The following SLIT2 variants were observed in gnomAD, a reference collection of about 807,000 sequenced individuals.
SLIT2 encodes slit homolog 2 protein.
A neutral mutation model predicts 185.7 loss-of-function variants in SLIT2; 41 were observed. The ratio of observed to expected loss-of-function variants is 0.22; its 90% confidence interval spans 0.17 to 0.29. The LOEUF is 0.29. Ranked by LOEUF, SLIT2 falls within the 10% of genes least tolerant of loss-of-function variation. SLIT2 has a pLI of 1.00. For synonymous variants in SLIT2, 693 were observed against 680.2 expected (o/e 1.02, Z -0.29); for missense variants, 1,571 against 1,909.0 (o/e 0.82, Z 3.30).
intron 4 of SLIT2, among the ~76,000 whole-genome samples, chr4:20,283,854 A>G (rs1715021425): frequency 6.6e-6 from 1 of 152,184 alleles, no homozygotes; most frequent in Non-Finnish European, 1.5e-5. Context: ...ATTCTTAATC[A>G]GTTTTGGCTC....
In SLIT2 at chr4:20,424,007, T is replaced by A. The variant is rs572367839; in HGVS notation, c.396-43745T>A. On this transcript the variant is annotated intron_variant, in intron 4 of 36. Coordinates refer to ENST00000504154, the MANE Select transcript of SLIT2 (RefSeq NM_004787.4). Reference sequence around the variant, plus strand: ...GTTTACTTTTAAAGATTGATTCTTCTAGAAAAGGGAATATTTTAGATTGCT... The same window carrying A: ...GTTTACTTTTAAAGATTGATTCTTCAAGAAAAGGGAATATTTTAGATTGCT... Among the ~76,000 whole-genome samples the A allele has an allele frequency of 5.2e-4, 79 of 152,226 alleles. No homozygotes were observed. In the South Asian group the frequency reaches 0.014, roughly 28 times the overall value.
At chr4:20,447,803 A>T (rs1577676411) in intron 4 of SLIT2, among the ~76,000 whole-genome samples, 1 of 152,254 alleles carries the variant, frequency 6.6e-6, no homozygotes, top group Admixed American at 6.5e-5. Context: ...TGCCCACATG[A>T]AAACAGTCAG....
At chr4:20,527,835 C>A (rs1577860685) in intron 15 of SLIT2, among the ~76,000 whole-genome samples, 1 of 152,070 alleles carries the variant, frequency 6.6e-6, no homozygotes, top group African/African-American at 2.4e-5. Context: ...TCTTGGTGAT[C>A]TTTACTTTTG....
At chr4:20,380,920 C>A (rs1724454610) in intron 4 of SLIT2, among the ~76,000 whole-genome samples, 1 of 151,928 alleles carries the variant, frequency 6.6e-6, no homozygotes, top group Non-Finnish European at 1.5e-5. Context: ...GAACAAGAAA[C>A]AGAAGAAACA....
chr4:20,606,288 C>T (rs956060852), intron 33 of SLIT2, among the ~76,000 whole-genome samples: 3 of 152,030 alleles, frequency 2.0e-5, no homozygotes, highest in African/African-American at 7.2e-5. Context: ...TGAGACCAGC[C>T]TGGGAAACAT....
chr4:20,425,766 C>T (rs1023275421), intron 4 of SLIT2, among the ~76,000 whole-genome samples: 1 of 152,126 alleles, frequency 6.6e-6, no homozygotes, highest in African/African-American at 2.4e-5. Flanking sequence ...TTTATATGAA[C>T]ACTTTACATG....
At chr4:20,453,173 C>A (rs1161533496) in intron 4 of SLIT2, among the ~76,000 whole-genome samples, 1 of 152,032 alleles carries the variant, frequency 6.6e-6, no homozygotes, top group African/African-American at 2.4e-5. Flanking sequence ...GGGTTTTGAA[C>A]CTATTATCCT....
intron 4 of SLIT2, among the ~76,000 whole-genome samples, chr4:20,324,714 A>C (rs1719410820): frequency 1.3e-5 from 2 of 152,160 alleles, no homozygotes; most frequent in African/African-American, 2.4e-5. Flanking sequence ...TAATATATAT[A>C]CTTCAAAACA....
At position 20,610,114 on chromosome 4, in the gene SLIT2, C is replaced by G; in HGVS notation, c.3794C>G (p.Thr1265Ser). 14 of 1,613,834 alleles carry G rather than the reference C, an allele frequency of 8.7e-6. No individual in the cohort carries two copies. Among genetic ancestry groups the G allele is most frequent in the Non-Finnish European group, 1.2e-5 (14 of 1,179,784 alleles). The change falls in exon 34 of 37, where the codon ACT becomes AGT. Residue 1265 changes from threonine (T) to serine (S), a missense_variant. Coordinates refer to ENST00000504154, the MANE Select transcript of SLIT2 (RefSeq NM_004787.4). Reference protein sequence around the residue: ...SVDGGNPKIITNLSKQSTLNF... With the variant: ...SVDGGNPKIISNLSKQSTLNF... Reference sequence around the variant, plus strand: ...GATGGTGGGAACCCCAAAATCATCACTAACTTGTCAAAGCAGTCCACTCTG... The same window carrying G: ...GATGGTGGGAACCCCAAAATCATCAGTAACTTGTCAAAGCAGTCCACTCTG...
At chr4:20,586,422 G>T (rs1727071474) in intron 29 of SLIT2, among the ~76,000 whole-genome samples, 2 of 152,104 alleles carry the variant, frequency 1.3e-5, no homozygotes, top group African/African-American at 4.8e-5. Context: ...TATTATTTGA[G>T]TATGTCAGCA....
At chr4:20,579,089 T>A (rs1036741639) in intron 29 of SLIT2, among the ~76,000 whole-genome samples, 2 of 151,800 alleles carry the variant, frequency 1.3e-5, no homozygotes, top group Admixed American at 6.6e-5. Flanking sequence ...AGGTCAGGAG[T>A]TTGAGACCAG....
At chr4:20,490,589 C>G (rs1043787829) in intron 8 of SLIT2, among the ~76,000 whole-genome samples, 20 of 152,136 alleles carry the variant, frequency 1.3e-4, no homozygotes, top group Non-Finnish European at 1.6e-4. Context: ...GGTAGGGAGA[C>G]ATGACTAGTA....
intron 5 of SLIT2, among the ~76,000 whole-genome samples, chr4:20,473,931 GTTCATTGGATTTTAT>G (rs1255223385): frequency 6.6e-6 from 1 of 151,956 alleles, no homozygotes; most frequent in Admixed American, 6.6e-5. Flanking sequence ...TTTCTGTTTA[GTTCATTGGATTTTAT>G]TTCAAATCCA....
chr4:20,575,952 T>G (rs1397099183), intron 29 of SLIT2, among the ~76,000 whole-genome samples: 2 of 152,300 alleles, frequency 1.3e-5, no homozygotes. Context: ...TTATAAACTC[T>G]GGGACACCTC....
chr4:20,321,458 G>A (rs1280516355), intron 4 of SLIT2, among the ~76,000 whole-genome samples: 2 of 152,188 alleles, frequency 1.3e-5, no homozygotes, highest in Non-Finnish European at 2.9e-5. Context: ...TAAAGAAGGA[G>A]CCATAAAATT....
At chr4:20,271,459 TATA>T (rs896846145) in intron 4 of SLIT2, among the ~76,000 whole-genome samples, 23 of 145,132 alleles carry the variant, frequency 1.6e-4, no homozygotes, top group African/African-American at 5.7e-4. Flanking sequence ...TTAATTTATA[TATA>T]ATATTTATAT....
intron 32 of SLIT2, among the ~76,000 whole-genome samples, chr4:20,598,029 A>T (rs1728118078): frequency 6.6e-6 from 1 of 152,192 alleles, no homozygotes; most frequent in Non-Finnish European, 1.5e-5. Flanking sequence ...CACATCCAAC[A>T]TGTTTACTTG....
chr4:20,295,086 T>C (rs1023388352), intron 4 of SLIT2, among the ~76,000 whole-genome samples: 3 of 152,236 alleles, frequency 2.0e-5, no homozygotes, highest in African/African-American at 7.2e-5. Context: ...CCAAGGCTCA[T>C]GTCAAGGGTT....
intron 33 of SLIT2, among the ~76,000 whole-genome samples, chr4:20,601,520 G>T (rs1728410911): frequency 6.6e-6 from 1 of 152,176 alleles, no homozygotes; most frequent in African/African-American, 2.4e-5. Flanking sequence ...TGAAAGGCAT[G>T]ACAGGTGCAA....
Sources: allele counts gnomAD v4.1 joint callset (sites outside exome capture counted in the v4.1 genomes callset), GRCh38; gene constraint gnomAD v4.1.1; transcripts MANE v1.5; gene names NCBI Gene and HGNC (gene_info 2026-07-23, HGNC 2026-07-21).